PSD3: variants seen among roughly 807,000 people sequenced by gnomAD.
PSD3 encodes the protein PH and SEC7 domain-containing protein 3.
A neutral mutation model predicts 105.5 loss-of-function variants in PSD3; 49 were observed. That is an observed-to-expected ratio of 0.46 (90% confidence interval 0.37 to 0.59). PSD3 has a LOEUF of 0.59. Ranked by LOEUF, PSD3 falls within the 20% of genes least tolerant of loss-of-function variation. The pLI is 0.00. For missense variants in PSD3, 1,561 were observed against 1,263.8 expected, an observed-to-expected ratio of 1.24 and a Z score of -3.57; for synonymous variants, 557 against 457.8, an observed-to-expected ratio of 1.22 and a Z score of -2.77.
intron 9 of PSD3, among the ~76,000 whole-genome samples, chr8:18,701,028 G>A (rs1801545622): frequency 6.6e-6 from 1 of 152,064 alleles, no homozygotes; most frequent in Admixed American, 6.6e-5. Context: ...GTGCAGTGTT[G>A]TGATCATGGC....
Position 18,871,724 on chromosome 8 carries a change from G to T in PSD3, c.1140C>A (p.Ser380=). 1 of 1,614,124 alleles carries T rather than the reference G, an allele frequency of 6.2e-7. No individual in the cohort carries two copies. ...ERPGTSSGTF[S]PVRLDESGED... The stretch of plus-strand genomic sequence containing the variant: ...CTCCACTCTCATCAAGACGCACAGG[G>T]GAAAATGTCCCCGAGCTAGTGCCAG... Residue 380 remains serine, a synonymous_variant, in exon 3 of 16, where the codon TCC becomes TCA. Transcript: ENST00000327040.
rs199609322 is a variant in PSD3 at position 18,804,700 on chromosome 8, G to A, written c.1829+4C>T. 8.1e-5 allele frequency: 130 copies of A among 1,613,436 alleles called. No homozygotes were observed. Among genetic ancestry groups the A allele is most frequent in the Non-Finnish European group, 9.9e-5 (117 of 1,179,750 alleles). On this transcript the variant is annotated splice_donor_region_variant and intron_variant, in intron 5 of 15. Coordinates refer to ENST00000327040, the MANE Select transcript of PSD3 (RefSeq NM_015310.4). ...TCAGACTCCAGCAATGGGTCAGAAC[G>A]TACTTCTTGCCAAGGTGTTTTGCAA... is the stretch of plus-strand genomic sequence containing the variant.
At chr8:18,809,797 T>A (rs551329339) in intron 4 of PSD3, among the ~76,000 whole-genome samples, 1 of 152,336 alleles carries the variant, frequency 6.6e-6, no homozygotes, top group Non-Finnish European at 1.5e-5. Flanking sequence ...TTCTACAGTT[T>A]TATCAAGACT....
chr8:18,824,922 A>C (rs1586142918), intron 4 of PSD3, among the ~76,000 whole-genome samples: 1 of 152,140 alleles, frequency 6.6e-6, no homozygotes, highest in African/African-American at 2.4e-5. Context: ...TCTTTCCATA[A>C]GTCCCCCCAA....
chr8:18,795,763 G>C (rs1810118638), intron 8 of PSD3, among the ~76,000 whole-genome samples: 1 of 152,192 alleles, frequency 6.6e-6, no homozygotes, highest in Non-Finnish European at 1.5e-5. Context: ...GAACGCATTT[G>C]AAGATCCATC....
In PSD3 at chr8:18,872,128, G is replaced by A. The variant is rs747670332; in HGVS notation, c.736C>T (p.Pro246Ser). 1 of 1,613,974 alleles carries A rather than the reference G, an allele frequency of 6.2e-7. No homozygotes were observed. Among genetic ancestry groups the A allele is most frequent in the Non-Finnish European group, 8.5e-7 (1 of 1,179,980 alleles). Reference protein sequence around the residue: ...GRKGAVCVQEPSCPLASLGSS... With the variant: ...GRKGAVCVQESSCPLASLGSS... Reference sequence around the variant, plus strand: ...CCGAGGGAGGCCAAAGGACAAGATGGCTCCTGCACACAGACAGCCCCTTTC... The same window carrying A: ...CCGAGGGAGGCCAAAGGACAAGATGACTCCTGCACACAGACAGCCCCTTTC... Residue 246 changes from proline (P) to serine (S), a missense_variant, in exon 3 of 16, where the codon CCA becomes TCA. Coordinates refer to ENST00000327040, the MANE Select transcript of PSD3 (RefSeq NM_015310.4).
At chr8:18,752,634 A>ATACATATAATATATAT (rs1563225904) in intron 9 of PSD3, among the ~76,000 whole-genome samples, 13 of 70,322 alleles carry the variant, frequency 1.8e-4, no homozygotes, top group Non-Finnish European at 3.0e-4. Flanking sequence ...ATTATATATA[A>ATACATATAATATATAT]TATATATAAT....
chr8:18,874,267 T>C (rs1325419306), intron 2 of PSD3, among the ~76,000 whole-genome samples: 2 of 152,052 alleles, frequency 1.3e-5, no homozygotes, highest in African/African-American at 4.8e-5. Context: ...GTTCAAGTGA[T>C]TCTTCTGCCC....
chr8:18,592,553 T>C (rs1803688815), intron 12 of PSD3, among the ~76,000 whole-genome samples: 1 of 152,116 alleles, frequency 6.6e-6, no homozygotes, highest in South Asian at 2.1e-4. Context: ...CTGGGACCAA[T>C]GACCAAATTA....
In PSD3 at chr8:18,794,013, G is replaced by A. The variant is rs1226226660; in HGVS notation, c.2082+5282C>T. Reference sequence around the variant, plus strand: ...TGTGTAGAAAGAAGTAGACATAGGAGACTCCATTTTGTTATGTGCTAAGAA... The same window carrying A: ...TGTGTAGAAAGAAGTAGACATAGGAAACTCCATTTTGTTATGTGCTAAGAA... On this transcript the variant is annotated intron_variant, in intron 8 of 15. Coordinates refer to ENST00000327040, the MANE Select transcript of PSD3 (RefSeq NM_015310.4). 3.3e-4 allele frequency among the ~76,000 whole-genome samples: 5 copies of A among 14,962 alleles called. 2 individuals carry two copies. The highest frequency in any genetic ancestry group is 6.4e-4 in the African/African-American group (5 of 7,852). The allele number at this position is 14,962 out of a possible 152,430, so 9.8% of individuals were successfully genotyped here.
At chr8:18,658,823 C>G (rs17127008) in intron 9 of PSD3, among the ~76,000 whole-genome samples, 11,566 of 152,130 alleles carry the variant, frequency 0.076, 1,116 homozygotes, top group African/African-American at 0.22. Flanking sequence ...AAAGTATGCT[C>G]TAGTAGCCTC....
At chr8:18,891,462 GTTAT>G (rs1349617756) in intron 2 of PSD3, among the ~76,000 whole-genome samples, 1 of 152,062 alleles carries the variant, frequency 6.6e-6, no homozygotes, top group African/African-American at 2.4e-5. Context: ...TCAGTTCTAA[GTTAT>G]TTGAGATACA....
At chr8:18,981,846 G>A (rs1452183467) in intron 1 of PSD3, among the ~76,000 whole-genome samples, 1 of 152,194 alleles carries the variant, frequency 6.6e-6, no homozygotes, top group Non-Finnish European at 1.5e-5. Flanking sequence ...TTTTGCTGAT[G>A]GAAGGTCTTT....
intron 4 of PSD3, among the ~76,000 whole-genome samples, chr8:18,866,919 T>C (rs1816982699): frequency 6.6e-6 from 1 of 150,744 alleles, no homozygotes; most frequent in Non-Finnish European, 1.5e-5. Flanking sequence ...CACACACATA[T>C]ACCAAAACAA....
At chr8:18,790,715 C>T (rs188450718) in intron 8 of PSD3, among the ~76,000 whole-genome samples, 11 of 152,160 alleles carry the variant, frequency 7.2e-5, no homozygotes, top group Middle Eastern at 3.4e-3. Context: ...CCAGGCCCCA[C>T]TAGAAACCCT....
intron 2 of PSD3, among the ~76,000 whole-genome samples, chr8:18,921,530 T>C (rs933892645): frequency 6.6e-6 from 1 of 152,172 alleles, no homozygotes; most frequent in South Asian, 2.1e-4. Flanking sequence ...AGATCTAGTT[T>C]TGTGGGTCCT....
Position 18,615,919 on chromosome 8 carries a change from G to A in PSD3, c.2411-15485C>T, listed in dbSNP as rs547665350. ...TTGTAAAACAGCCCAAGGCCCACGGGCATCTTTAAAATGCCTCCGGGCAAA... is the reference window on the plus strand; with the variant it reads ...TTGTAAAACAGCCCAAGGCCCACGGACATCTTTAAAATGCCTCCGGGCAAA... On this transcript the variant is annotated intron_variant, in intron 11 of 15. Coordinates refer to ENST00000327040, the MANE Select transcript of PSD3 (RefSeq NM_015310.4). Among the ~76,000 whole-genome samples the A allele has an allele frequency of 3.2e-4, 48 of 152,352 alleles. 1 individual carries two copies. The highest frequency in any genetic ancestry group is 2.1e-3 in the East Asian group (11 of 5,180).
rs141247793 is a variant in PSD3 at position 18,932,460 on chromosome 8, C to T, written c.130+3574G>A. Among the ~76,000 whole-genome samples, 610 of 152,296 alleles carry T rather than the reference C, an allele frequency of 4.0e-3. 4 individuals are homozygous for T. Among genetic ancestry groups the T allele is most frequent in the African/African-American group, 0.014 (576 of 41,568 alleles). The stretch of plus-strand genomic sequence containing the variant: ...TACAATTCTCCACGCAACTGAATAA[C>T]CCATGAAGATACCTATCTTACCTCA... On this transcript the variant is annotated intron_variant, in intron 2 of 15. Coordinates refer to ENST00000327040, the MANE Select transcript of PSD3 (RefSeq NM_015310.4).
At position 18,575,484 on chromosome 8, in the gene PSD3, A is replaced by C. The variant is rs1236315485; in HGVS notation, c.2482-199T>G. 4.6e-5 allele frequency among the ~76,000 whole-genome samples: 7 copies of C among 152,348 alleles called. No individual in the cohort carries two copies. In the South Asian group the frequency reaches 1.4e-3, roughly 32 times the overall value. On this transcript the variant is annotated intron_variant, in intron 12 of 15. Coordinates refer to ENST00000327040, the MANE Select transcript of PSD3 (RefSeq NM_015310.4). ...TTTGAAAAATTTGCTGAGAATGAGAAAATACATCTACCCAAGGCATTTTTT... is the reference window on the plus strand; with the variant it reads ...TTTGAAAAATTTGCTGAGAATGAGACAATACATCTACCCAAGGCATTTTTT...
Sources: allele counts gnomAD v4.1 joint callset (sites outside exome capture counted in the v4.1 genomes callset), GRCh38; gene constraint gnomAD v4.1.1; transcripts MANE v1.5; gene names NCBI Gene and HGNC (gene_info 2026-07-23, HGNC 2026-07-21).